The following GATC variants were observed in gnomAD, a reference collection of about 807,000 sequenced individuals.
GATC encodes glutamyl-tRNA(Gln) amidotransferase subunit C, mitochondrial.
Under a neutral mutation model 14.4 loss-of-function variants are expected in GATC, and 11 were observed. That is an observed-to-expected ratio of 0.77 (90% CI 0.48 to 1.27). The LOEUF (loss-of-function observed/expected upper bound fraction) is 1.27. GATC is among the 50% of genes most tolerant of loss of function. GATC has a pLI of 0.00. For synonymous variants in GATC, 76 were observed against 79.3 expected (o/e 0.96, Z 0.22); for missense variants, 204 against 183.0 (o/e 1.11, Z -0.66).
chr12:120,460,037 T>C lies in GATC; in HGVS notation c.*78T>C, dbSNP rs749658842. 462 of 1,083,156 alleles carry C rather than the reference T, an allele frequency of 4.3e-4. 1 individual carries two copies. Among genetic ancestry groups the C allele is most frequent in the Non-Finnish European group, 5.4e-4 (385 of 719,546 alleles). The allele number at this position is 1,083,156 out of a possible 1,614,324, so 67.1% of individuals were successfully genotyped here. On this transcript the variant is annotated 3_prime_UTR_variant, in exon 4 of 4. Transcript: ENST00000551765. ...AGTATTTTTTTACTGTGAATACTAA[T>C]GTTCCTGCTTTTTTCAGTCCCCTGA...
In GATC at chr12:120,451,143, CA is replaced by C. The variant is rs143607117; in HGVS notation, c.254+4331del. ...TGGGCGACAGAGCAAGACTCCATCT[CA>C]AAAAAAAAAAAAAAAAGGTAGACTG... On this transcript the variant is annotated intron_variant, in intron 2 of 3. Coordinates refer to ENST00000551765, the MANE Select transcript of GATC (RefSeq NM_176818.3). Among the ~76,000 whole-genome samples the C allele has an allele frequency of 7.6e-4, 43 of 56,454 alleles. 1 individual carries two copies. Among genetic ancestry groups the C allele is most frequent in the Admixed American group, 2.3e-3 (10 of 4,396 alleles). 37.0% of individuals were successfully genotyped at this position (56,454 alleles called of 152,430 possible).
chr12:120,458,098 A>ATTTT (rs11434555), intron 3 of GATC, among the ~76,000 whole-genome samples: 2 of 136,730 alleles, frequency 1.5e-5, no homozygotes, highest in African/African-American at 2.7e-5. Flanking sequence ...TATTTCTTAA[A>ATTTT]TTTTTTTTTT....
At chr12:120,449,643 C>T (rs1036867516) in intron 2 of GATC, among the ~76,000 whole-genome samples, 5 of 151,958 alleles carry the variant, frequency 3.3e-5, no homozygotes, top group African/African-American at 4.8e-5. Flanking sequence ...AGAGGGGTTT[C>T]ACCATGTTGG....
At chr12:120,455,537 G>A (rs143909729) in intron 2 of GATC, among the ~76,000 whole-genome samples, 37 of 152,126 alleles carry the variant, frequency 2.4e-4, no homozygotes, top group African/African-American at 8.2e-4. Context: ...CTTGTTCAAG[G>A]CCACACAGTT....
At position 120,460,110 on chromosome 12, in the gene GATC, A is replaced by C; in HGVS notation, c.*151A>C. The C allele has an allele frequency of 1.7e-6, 1 of 578,942 alleles. No individual in the cohort carries two copies. The allele number at this position is 578,942 out of a possible 1,614,324, so 35.9% of individuals were successfully genotyped here. On this transcript the variant is annotated 3_prime_UTR_variant, in exon 4 of 4. Coordinates refer to ENST00000551765, the MANE Select transcript of GATC (RefSeq NM_176818.3). ...CTTAATAACAGATTCTTCTGAAGAC[A>C]GAATTGGGAAAGATCTGGCCCCAAC...
chr12:120,461,746 G>C lies in GATC; in HGVS notation c.*1787G>C, dbSNP rs1878345131. The C allele has an allele frequency of 3.5e-6, 1 of 283,294 alleles. No homozygotes were observed. Among genetic ancestry groups the C allele is most frequent in the Non-Finnish European group, 6.6e-6 (1 of 152,262 alleles). The allele number at this position is 283,294 out of a possible 1,614,324, so 17.5% of individuals were successfully genotyped here. On this transcript the variant is annotated 3_prime_UTR_variant, in exon 4 of 4. Coordinates refer to ENST00000551765, the MANE Select transcript of GATC (RefSeq NM_176818.3). ...ACAGTAACTGTTGATCTCCATAGTAGAGCAACCCACAAAGACAGAACTGAT... is the reference window on the plus strand; with the variant it reads ...ACAGTAACTGTTGATCTCCATAGTACAGCAACCCACAAAGACAGAACTGAT...
chr12:120,453,558 T>C (rs1878104596), intron 2 of GATC, among the ~76,000 whole-genome samples: 3 of 152,190 alleles, frequency 2.0e-5, no homozygotes, highest in Admixed American at 1.3e-4. Context: ...AATCATTAAT[T>C]GATCTGAAAA....
chr12:120,450,167 CATT>C (rs564596040), intron 2 of GATC, among the ~76,000 whole-genome samples: 126 of 152,256 alleles, frequency 8.3e-4, no homozygotes, highest in African/African-American at 2.9e-3. Flanking sequence ...ATATAACCAT[CATT>C]AATAAGGGAA....
intron 2 of GATC, among the ~76,000 whole-genome samples, chr12:120,455,975 C>T (rs990580858): frequency 2.6e-5 from 4 of 152,148 alleles, no homozygotes; most frequent in African/African-American, 4.8e-5. Context: ...CGTGAGCCAC[C>T]GCGCCCGGCT....
chr12:120,446,484 T>G lies in GATC; in HGVS notation c.4T>G (p.Trp2Gly), dbSNP rs1161283558. 1.9e-6 allele frequency: 3 copies of G among 1,606,638 alleles called. No homozygotes were observed. Among genetic ancestry groups the G allele is most frequent in the Non-Finnish European group, 2.6e-6 (3 of 1,175,466 alleles). Residue 2 changes from tryptophan (W) to glycine (G), a missense_variant, in exon 1 of 4, where the codon TGG becomes GGG. Trp to Gly is a radical substitution (Grantham distance 184). Coordinates refer to ENST00000551765, the MANE Select transcript of GATC (RefSeq NM_176818.3). The part of the protein sequence containing the change: M[W>G]SRLVWLGLRA... ...GCGGGGGCCAAGGAAGGAAGAAATG[T>G]GGTCGCGGTTGGTGTGGCTGGGCCT...
Position 120,460,012 on chromosome 12 carries a change from A to T in GATC, c.*53A>T, listed in dbSNP as rs1483456128. 7.1e-7 allele frequency: 1 copy of T among 1,414,916 alleles called. No homozygotes were observed. The allele number at this position is 1,414,916 out of a possible 1,614,324, so 87.6% of individuals were successfully genotyped here. A position where few individuals can be genotyped will look rare whatever the true frequency, so the allele number is the denominator to read the frequency against. ...TGTGAACATGTGGAAGCATAATGAC[A>T]GTATTTTTTTACTGTGAATACTAAT... On this transcript the variant is annotated 3_prime_UTR_variant, in exon 4 of 4. Coordinates refer to ENST00000551765, the MANE Select transcript of GATC (RefSeq NM_176818.3).
intron 2 of GATC, among the ~76,000 whole-genome samples, chr12:120,453,714 G>C (rs1732844): frequency 0.023 from 3,432 of 151,912 alleles, 133 homozygotes; most frequent in African/African-American, 0.078. Flanking sequence ...AGGTATGGTG[G>C]TGCACACCTG....
Position 120,456,882 on chromosome 12 carries a change from C to T in GATC, c.255-194C>T, listed in dbSNP as rs7137953. Among the ~76,000 whole-genome samples, 30,840 of 152,142 alleles carry T rather than the reference C, an allele frequency of 0.2. 3,470 individuals are homozygous for T. Among genetic ancestry groups the T allele is most frequent in the African/African-American group, 0.28 (11,647 of 41,474 alleles). The stretch of plus-strand genomic sequence containing the variant: ...AGAGAAGTAATTAGCACTTACTTCT[C>T]AGGGTTGTTCGGTCAATCTATAAAC... On this transcript the variant is annotated intron_variant, in intron 2 of 3. Coordinates refer to ENST00000551765, the MANE Select transcript of GATC (RefSeq NM_176818.3).
intron 2 of GATC, among the ~76,000 whole-genome samples, chr12:120,448,677 A>C (rs1165976057): frequency 6.9e-5 from 5 of 72,966 alleles, no homozygotes; most frequent in East Asian, 3.9e-4. Context: ...ACGGAGTTTC[A>C]CTCTTCCACC....
Position 120,463,643 on chromosome 12 carries a change from G to A in GATC, c.*3684G>A. The stretch of plus-strand genomic sequence containing the variant: ...GCCATTTAAGCTGGTTGTGAATGGG[G>A]TGGTATGAAGACCGACTGCACTAGT... On this transcript the variant is annotated 3_prime_UTR_variant, in exon 4 of 4. Coordinates refer to ENST00000551765, the MANE Select transcript of GATC (RefSeq NM_176818.3). 2 of 208,304 alleles carry A rather than the reference G, an allele frequency of 9.6e-6. No individual in the cohort carries two copies. The highest frequency in any genetic ancestry group is 5.5e-5 in the Admixed American group (1 of 18,216). The allele number at this position is 208,304 out of a possible 1,614,324, so 12.9% of individuals were successfully genotyped here. A position where few individuals can be genotyped will look rare whatever the true frequency, so the allele number is the denominator to read the frequency against.
At chr12:120,447,878 C>T (rs1002248402) in intron 2 of GATC, among the ~76,000 whole-genome samples, 1 of 152,078 alleles carries the variant, frequency 6.6e-6, no homozygotes, top group South Asian at 2.1e-4. Flanking sequence ...ATCTCAGCCT[C>T]CCAAGTACAG....
At position 120,462,993 on chromosome 12, in the gene GATC, G is replaced by C. The variant is rs1379290436; in HGVS notation, c.*3034G>C. 6.6e-6 allele frequency: 1 copy of C among 152,126 alleles called. No homozygotes were observed. Among genetic ancestry groups the C allele is most frequent in the African/African-American group, 2.4e-5 (1 of 41,398 alleles). The allele number at this position is 152,126 out of a possible 1,614,324, so 9.4% of individuals were successfully genotyped here. Reference sequence around the variant, plus strand: ...CAAAAGCATCATTAAACCAGGGAAGGACCAACCTCTAAGCCAAAAACTAGG... The same window carrying C: ...CAAAAGCATCATTAAACCAGGGAAGCACCAACCTCTAAGCCAAAAACTAGG... On this transcript the variant is annotated 3_prime_UTR_variant, in exon 4 of 4. Coordinates refer to ENST00000551765, the MANE Select transcript of GATC (RefSeq NM_176818.3).
chr12:120,463,149 C>T lies in GATC; in HGVS notation c.*3190C>T, dbSNP rs768808463. The stretch of plus-strand genomic sequence containing the variant: ...GTCCAACTGGTCTGGTTTCTGGTCT[C>T]AATGGTACCAAAGGGATAGTCACCA... On this transcript the variant is annotated 3_prime_UTR_variant, in exon 4 of 4. Transcript: ENST00000551765. The T allele has an allele frequency of 3.3e-5, 5 of 152,036 alleles. No homozygotes were observed. Among genetic ancestry groups the T allele is most frequent in the Non-Finnish European group, 7.4e-5 (5 of 68,016 alleles). The allele number at this position is 152,036 out of a possible 1,614,324, so 9.4% of individuals were successfully genotyped here.
chr12:120,454,244 C>T (rs191040104), intron 2 of GATC, among the ~76,000 whole-genome samples: 40 of 152,308 alleles, frequency 2.6e-4, no homozygotes, highest in African/African-American at 7.7e-4. Flanking sequence ...AGGTGCTACT[C>T]AGAGCCCTCT....
Sources: allele counts gnomAD v4.1 joint callset (sites outside exome capture counted in the v4.1 genomes callset), GRCh38; gene constraint gnomAD v4.1.1; transcripts MANE v1.5; gene names NCBI Gene and HGNC (gene_info 2026-07-23, HGNC 2026-07-21).